PPP2R3B: variants seen among roughly 807,000 people sequenced by gnomAD.
The protein encoded by PPP2R3B is protein phosphatase 2 regulatory subunit B''beta, also known as serine/threonine-protein phosphatase 2A regulatory subunit B'' subunit beta.
A neutral mutation model predicts 72.9 loss-of-function variants in PPP2R3B; 68 were observed. That is an observed-to-expected ratio of 0.93 (90% CI 0.77 to 1.14). PPP2R3B has a LOEUF of 1.14. Ranked by LOEUF, PPP2R3B falls within the 50% of genes most tolerant of loss-of-function variation. The pLI is 0.00. For missense variants in PPP2R3B, 1,018 were observed against 842.0 expected (o/e 1.21, Z -2.59); for synonymous variants, 466 against 375.8 (o/e 1.24, Z -2.78).
rs746002693 is a variant in PPP2R3B at position 347,311 on chromosome X, C to T, written c.640G>A (p.Ala214Thr). ...RKILQNCHDD[A>T]AKFVHLLMSP... is the part of the protein sequence containing the mutation. ...ATGAGCAGATGGACGAACTTGGCCG[C>T]GTCGTCGTGGCAGTTCTGGAGGATT... is the stretch of plus-strand genomic sequence containing the variant. The change falls in exon 4 of 13, where the codon GCG becomes ACG. Residue 214 changes from alanine (A) to threonine (T), a missense_variant. Transcript: ENST00000390665. 28 of 1,613,756 alleles carry T rather than the reference C, an allele frequency of 1.7e-5. No individual in the cohort carries two copies. The East Asian group carries it at 2.2e-4, about 13-fold the overall frequency.
At chrX:370,852 C>G (rs1603118041) in intron 1 of PPP2R3B, among the ~76,000 whole-genome samples, 1 of 152,336 alleles carries the variant, frequency 6.6e-6, no homozygotes, top group South Asian at 2.1e-4. Context: ...AAGTCAGTTC[C>G]AAGTACAGCG....
intron 2 of PPP2R3B, among the ~76,000 whole-genome samples, chrX:351,237 G>C (rs1311254126): frequency 6.6e-6 from 1 of 152,166 alleles, no homozygotes; most frequent in Non-Finnish European, 1.5e-5. Context: ...TCCCGGTGCG[G>C]TGGGAGGGAA....
At chrX:386,075 C>CT (rs1174490614) in intron 1 of PPP2R3B, among the ~76,000 whole-genome samples, 2 of 152,148 alleles carry the variant, frequency 1.3e-5, no homozygotes, top group African/African-American at 4.8e-5. Context: ...GAGCAAAACT[C>CT]TGTCTCAAAA....
chrX:383,698 C>A (rs1044626801), intron 1 of PPP2R3B, among the ~76,000 whole-genome samples: 1 of 151,154 alleles, frequency 6.6e-6, no homozygotes, highest in South Asian at 2.1e-4. Flanking sequence ...ATTAGCCGGG[C>A]GTGGTGGCGG....
intron 4 of PPP2R3B, 96 bp from the exon 5 acceptor site, chrX:346,871 G>A (rs189341428): frequency 8.5e-5 from 100 of 1,173,584 alleles, no homozygotes; most frequent in South Asian, 9.2e-5. Flanking sequence ...TCCCGTGAGC[G>A]ATGAGGTGTG....
chrX:368,909 C>T (rs1200861731), intron 1 of PPP2R3B, among the ~76,000 whole-genome samples: 1 of 152,096 alleles, frequency 6.6e-6, no homozygotes, highest in Non-Finnish European at 1.5e-5. Context: ...AAAGCCGGGA[C>T]CACCCACCAT....
chrX:347,369 A>C, intron 3 of PPP2R3B, 33 bp from the exon 4 acceptor site: 25 of 1,585,970 alleles, frequency 1.6e-5, no homozygotes, highest in East Asian at 2.2e-5. Context: ...CACCACCCTC[A>C]CAGGGGGGTG....
chrX:364,739 C>A (rs1410292698), intron 1 of PPP2R3B, among the ~76,000 whole-genome samples: 1 of 67,748 alleles, frequency 1.5e-5, no homozygotes, highest in African/African-American at 1.0e-4. Flanking sequence ...AACGATTAAC[C>A]AGGTGTGGTG....
At chrX:378,182 TTGCCATC>T (rs2072041074) in intron 1 of PPP2R3B, among the ~76,000 whole-genome samples, 1 of 152,188 alleles carries the variant, frequency 6.6e-6, no homozygotes, top group Non-Finnish European at 1.5e-5. Context: ...AGAGACAACA[TTGCCATC>T]TGGGCCGATG....
In PPP2R3B at chrX:346,220, G is replaced by A; in HGVS notation, c.833C>T (p.Ser278Phe). 1 of 1,572,284 alleles carries A rather than the reference G, an allele frequency of 6.4e-7. No homozygotes were observed. The highest frequency in any genetic ancestry group is 8.6e-7 in the Non-Finnish European group (1 of 1,160,704). ...CAGCTCGGCGCAGGTGATCCTGCCGGACCAGGACCGGTTCACGGCGTAGAA... is the reference window on the plus strand; with the variant it reads ...CAGCTCGGCGCAGGTGATCCTGCCGAACCAGGACCGGTTCACGGCGTAGAA... ...RIFYAVNRSWSGRITCAELRR... is the reference protein window; with the variant it reads ...RIFYAVNRSWFGRITCAELRR... The change falls in exon 6 of 13, where the codon TCC becomes TTC. Residue 278 changes from serine (S) to phenylalanine (F), a missense_variant. Coordinates refer to ENST00000390665, the MANE Select transcript of PPP2R3B (RefSeq NM_013239.5).
intron 1 of PPP2R3B, among the ~76,000 whole-genome samples, chrX:370,464 T>C (rs2071835024): frequency 6.6e-6 from 1 of 152,022 alleles, no homozygotes; most frequent in African/African-American, 2.4e-5. Flanking sequence ...CTGGGGGACG[T>C]GGGGATCATT....
At chrX:370,094 T>C (rs1319053674) in intron 1 of PPP2R3B, among the ~76,000 whole-genome samples, 2 of 152,128 alleles carry the variant, frequency 1.3e-5, no homozygotes, top group South Asian at 2.1e-4. Context: ...CAGCTACACC[T>C]GCAAACCGCA....
At chrX:373,627 C>T (rs1050363621) in intron 1 of PPP2R3B, 4 of 286,342 alleles carry the variant, frequency 1.4e-5, no homozygotes, top group African/African-American at 9.0e-5. Context: ...AGGTCGGGGT[C>T]CTGGCGCAGC....
chrX:382,090 A>C (rs1395011030), intron 1 of PPP2R3B, among the ~76,000 whole-genome samples: 1 of 151,934 alleles, frequency 6.6e-6, no homozygotes, highest in Admixed American at 6.6e-5. Flanking sequence ...TGCACCCTGC[A>C]CACCCTGGCC....
At chrX:340,362 C>A (rs948076026) in intron 10 of PPP2R3B, among the ~76,000 whole-genome samples, 3 of 151,568 alleles carry the variant, frequency 2.0e-5, no homozygotes, top group Admixed American at 6.6e-5. Flanking sequence ...GGTTCTTGCA[C>A]TGTGAGACTA....
At chrX:336,241 C>T (rs1254935541) in intron 12 of PPP2R3B, 2 of 152,184 alleles carry the variant, frequency 1.3e-5, no homozygotes, top group Non-Finnish European at 2.9e-5. Flanking sequence ...ACACATGACT[C>T]GGCAAGATCT....
rs1055869941 is a variant in PPP2R3B at position 341,909 on chromosome X, G to C, written c.1059C>G (p.Asp353Glu). The C allele has an allele frequency of 6.2e-7, 1 of 1,612,562 alleles. No homozygotes were observed. The highest frequency in any genetic ancestry group is 1.3e-5 in the African/African-American group (1 of 74,944). The change falls in exon 8 of 13, where the codon GAC becomes GAG. Residue 353 changes from aspartate (D) to glutamate (E), a missense_variant. Asp to Glu is a conservative substitution (Grantham distance 45). Coordinates refer to ENST00000390665, the MANE Select transcript of PPP2R3B (RefSeq NM_013239.5). Reference sequence around the variant, plus strand: ...GTGTGACTGCTCCTGAGAAGATCCTGTCTATCATCTTGGTAGAAAGGGCTG... The same window carrying C: ...GTGTGACTGCTCCTGAGAAGATCCTCTCTATCATCTTGGTAGAAAGGGCTG... ...NDHALSTKMI[D>E]RIFSGAVTRG...
intron 1 of PPP2R3B, among the ~76,000 whole-genome samples, chrX:385,520 C>T (rs142998681): frequency 2.0e-5 from 3 of 151,938 alleles, no homozygotes; most frequent in Non-Finnish European, 4.4e-5. Flanking sequence ...GGCGTTTCTT[C>T]TAAGAAATAC....
At chrX:338,384 T>C in intron 12 of PPP2R3B, 1 of 610,898 alleles carries the variant, frequency 1.6e-6, no homozygotes, top group East Asian at 2.8e-5. Flanking sequence ...ACGCGGGGAA[T>C]GACGGGCAGA....
Sources: allele counts gnomAD v4.1 joint callset (sites outside exome capture counted in the v4.1 genomes callset), GRCh38; gene constraint gnomAD v4.1.1; transcripts MANE v1.5; gene names NCBI Gene and HGNC (gene_info 2026-07-23, HGNC 2026-07-21).